MCC: variants seen among roughly 807,000 people sequenced by gnomAD.
MCC encodes MCC regulator of Wnt signaling pathway.
Under a neutral mutation model 116.2 loss-of-function variants are expected in MCC, and 90 were observed. The ratio of observed to expected loss-of-function variants is 0.77; its 90% CI spans 0.65 to 0.92. The LOEUF is 0.92. Ranked by LOEUF, MCC falls within the 40% of genes least tolerant of loss-of-function variation. The probability of loss-of-function intolerance (pLI) is 0.00; values close to 1 mark genes in which losing one functional copy is unlikely to be tolerated. For missense variants in MCC, 1,516 were observed against 1,312.2 expected (o/e 1.16, Z -2.40); for synonymous variants, 578 against 510.5 (o/e 1.13, Z -1.78).
chr5:113,262,949 C>A (rs1224967449), intron 3 of MCC, among the ~76,000 whole-genome samples: 1 of 151,886 alleles, frequency 6.6e-6, no homozygotes, highest in Non-Finnish European at 1.5e-5. Flanking sequence ...TGATGGCTAA[C>A]GAGGCCATCA....
At chr5:113,048,777 T>G (rs531578071) in intron 16 of MCC, 20 of 478,238 alleles carry the variant, frequency 4.2e-5, no homozygotes, top group African/African-American at 2.4e-4. Flanking sequence ...AAATGAGGGC[T>G]GCCGTGTGAC....
At position 113,027,395 on chromosome 5, in the gene MCC, C is replaced by G. The variant is rs573955632; in HGVS notation, c.2967G>C (p.Glu989Asp). ...GCATCCTCACTTGGGTCTCATGTCT[C>G]TCCACCATGGCCATCATCTGCGACT... ...KLESQMMAMV[E>D]RHETQVRMLK... The change falls in exon 19 of 19, where the codon GAG (glutamate) becomes GAC (aspartate). Residue 989 changes from glutamate to aspartate, a missense_variant. Physicochemically the swap from Glu to Asp is conservative, Grantham distance 45. Transcript: ENST00000408903. 14 of 1,614,216 alleles carry G rather than the reference C, an allele frequency of 8.7e-6. No homozygotes were observed. Among genetic ancestry groups the G allele is most frequent in the Non-Finnish European group, 1.2e-5 (14 of 1,180,046 alleles).
chr5:113,260,090 A>G (rs1765166228), intron 3 of MCC, among the ~76,000 whole-genome samples: 1 of 152,098 alleles, frequency 6.6e-6, no homozygotes, highest in South Asian at 2.1e-4. Context: ...TGGAAAAAAA[A>G]AACTCCTTAA....
chr5:113,088,276 C>T (rs1755344324), intron 8 of MCC, among the ~76,000 whole-genome samples: 3 of 151,912 alleles, frequency 2.0e-5, no homozygotes, highest in African/African-American at 7.3e-5. Context: ...TCTTAATTTA[C>T]AGGAATAAAT....
intron 15 of MCC, among the ~76,000 whole-genome samples, chr5:113,050,340 C>G (rs1308527746): frequency 6.6e-6 from 1 of 152,128 alleles, no homozygotes; most frequent in Admixed American, 6.5e-5. Context: ...CCAGCCTTCC[C>G]AGCCCACCGT....
chr5:113,075,790 C>A (rs947334680), intron 11 of MCC, among the ~76,000 whole-genome samples: 5 of 152,192 alleles, frequency 3.3e-5, no homozygotes, highest in Admixed American at 2.6e-4. Context: ...TTGCTCTTCA[C>A]AATAAATCTT....
chr5:113,456,809 G>C (rs1464281279), intron 1 of MCC, among the ~76,000 whole-genome samples: 1 of 150,762 alleles, frequency 6.6e-6, no homozygotes, highest in African/African-American at 2.5e-5. Flanking sequence ...ATACTTTTAA[G>C]TTCTAGGGTA....
At chr5:113,086,672 C>T (rs927774733) in intron 8 of MCC, among the ~76,000 whole-genome samples, 2 of 152,136 alleles carry the variant, frequency 1.3e-5, no homozygotes, top group African/African-American at 4.8e-5. Context: ...AGAGATTGGT[C>T]TTTTATAACC....
intron 3 of MCC, among the ~76,000 whole-genome samples, chr5:113,272,036 AAT>A (rs1278478365): frequency 4.6e-5 from 7 of 152,376 alleles, no homozygotes; most frequent in African/African-American, 1.7e-4. Context: ...GATTAACTTA[AAT>A]ATAGTTACTT....
chr5:113,097,022 T>A (rs1326066326), intron 8 of MCC, among the ~76,000 whole-genome samples: 1 of 152,114 alleles, frequency 6.6e-6, no homozygotes, highest in Non-Finnish European at 1.5e-5. Flanking sequence ...CTTTTATGAA[T>A]TTAAACTCAG....
In MCC at chr5:113,316,682, C is replaced by G. The variant is rs190517133; in HGVS notation, c.627+23837G>C. 3.3e-5 allele frequency among the ~76,000 whole-genome samples: 5 copies of G among 152,228 alleles called. No individual in the cohort carries two copies. The South Asian group carries it at 1.0e-3, about 32-fold the overall frequency. ...AAGTCAGGGTCTCATAAACACAATGCGTAATTCTATTACACCTGATGCCCA... is the reference window on the plus strand; with the variant it reads ...AAGTCAGGGTCTCATAAACACAATGGGTAATTCTATTACACCTGATGCCCA... On this transcript the variant is annotated intron_variant, in intron 3 of 18. Transcript: ENST00000408903.
At chr5:113,407,753 C>A (rs180757148) in intron 1 of MCC, among the ~76,000 whole-genome samples, 1 of 152,242 alleles carries the variant, frequency 6.6e-6, no homozygotes, top group East Asian at 1.9e-4. Context: ...ATATTTTAAG[C>A]CCCGCATACA....
At chr5:113,117,044 G>A (rs1757435805) in intron 6 of MCC, among the ~76,000 whole-genome samples, 1 of 152,242 alleles carries the variant, frequency 6.6e-6, no homozygotes, top group Non-Finnish European at 1.5e-5. Flanking sequence ...GTGGACTAGA[G>A]GATCACTGAC....
chr5:113,168,301 A>C (rs915454957), intron 3 of MCC, among the ~76,000 whole-genome samples: 1 of 152,232 alleles, frequency 6.6e-6, no homozygotes, highest in Non-Finnish European at 1.5e-5. Flanking sequence ...TTTGATGAAA[A>C]TGTGCCCTTT....
intron 3 of MCC, among the ~76,000 whole-genome samples, chr5:113,183,140 G>A (rs932800854): frequency 6.6e-5 from 10 of 152,188 alleles, no homozygotes; most frequent in African/African-American, 2.4e-4. Context: ...CGCAGTGGGG[G>A]CTCCAGATCT....
chr5:113,096,544 A>G (rs7713336), intron 8 of MCC, among the ~76,000 whole-genome samples: 69,369 of 152,122 alleles, frequency 0.46, 17,392 homozygotes, highest in African/African-American at 0.68. Context: ...CAGCTGCATC[A>G]GAAACTTGTA....
intron 2 of MCC, among the ~76,000 whole-genome samples, chr5:113,355,137 A>G (rs1178649286): frequency 6.6e-6 from 1 of 152,172 alleles, no homozygotes; most frequent in Non-Finnish European, 1.5e-5. Flanking sequence ...AAAGAACTAT[A>G]AAAATAAATG....
chr5:113,411,021 G>C (rs1352825856), intron 1 of MCC, among the ~76,000 whole-genome samples: 1 of 152,144 alleles, frequency 6.6e-6, no homozygotes, highest in Non-Finnish European at 1.5e-5. Flanking sequence ...GGACATATAG[G>C]TTGGTTCCAA....
chr5:113,442,911 A>G (rs1433994331), intron 1 of MCC, among the ~76,000 whole-genome samples: 1 of 152,152 alleles, frequency 6.6e-6, no homozygotes, highest in African/African-American at 2.4e-5. Flanking sequence ...GCCTTGTAGT[A>G]TAGTTTGAAG....
Sources: allele counts gnomAD v4.1 joint callset (sites outside exome capture counted in the v4.1 genomes callset), GRCh38; gene constraint gnomAD v4.1.1; transcripts MANE v1.5; gene names NCBI Gene and HGNC (gene_info 2026-07-23, HGNC 2026-07-21).